TYK2: variants seen among roughly 807,000 people sequenced by gnomAD.
TYK2 encodes tyrosine kinase 2.
A neutral mutation model predicts 130.9 loss-of-function variants in TYK2; 65 were observed. That is an observed-to-expected ratio of 0.50 (90% CI 0.41 to 0.61). The LOEUF (loss-of-function observed/expected upper bound fraction) is 0.61. Among genes scored for constraint, TYK2 ranks in the 20% least tolerant of loss-of-function variants. The probability of loss-of-function intolerance (pLI) is 0.00; values close to 1 mark genes in which losing one functional copy is unlikely to be tolerated. For synonymous variants in TYK2, 647 were observed against 658.9 expected, an observed-to-expected ratio of 0.98 and a Z score of 0.28; for missense variants, 1,378 against 1,610.7, an observed-to-expected ratio of 0.86 and a Z score of 2.47.
At chr19:10,360,248 A>G (rs2145203111) in intron 14 of TYK2, among the ~76,000 whole-genome samples, 1 of 151,692 alleles carries the variant, frequency 6.6e-6, no homozygotes, top group Middle Eastern at 3.4e-3. Flanking sequence ...CAATCCTGTC[A>G]CTTTGGGAGG....
chr19:10,365,900 T>TG lies in TYK2; in HGVS notation c.630-3dup. On this transcript the variant is annotated splice_region_variant and splice_polypyrimidine_tract_variant and intron_variant, in intron 6 of 24. Transcript: ENST00000525621. ...GAGCGCGGGATGCAGTCCTTGAAGC[T>TG]GGGGGGAAACACAGTGAGGGGCTGG... 6.2e-7 allele frequency: 1 copy of TG among 1,604,998 alleles called. No individual in the cohort carries two copies. Among genetic ancestry groups the TG allele is most frequent in the Non-Finnish European group, 8.5e-7 (1 of 1,175,640 alleles).
Position 10,368,372 on chromosome 19 carries a change from C to G in TYK2, c.240G>C (p.Gln80His), listed in dbSNP as rs972420234. The change falls in exon 4 of 25, where the codon CAG (glutamine) becomes CAC (histidine). Residue 80 changes from glutamine (Q) to histidine (H), a missense_variant. By Grantham distance (24) the Gln-to-His change is conservative. Coordinates refer to ENST00000525621, the MANE Select transcript of TYK2 (RefSeq NM_003331.5). Reference protein sequence around the residue: ...CFNLFALFDAQAQVWLPPNHI... With the variant: ...CFNLFALFDAHAQVWLPPNHI... ...GGTTTGGGGGCAACCAGACTTGGGC[C>G]TGAGCATCGAAGAGGGCAAAGAGAT... 2 of 1,614,006 alleles carry G rather than the reference C, an allele frequency of 1.2e-6. No individual in the cohort carries two copies. Among genetic ancestry groups the G allele is most frequent in the Non-Finnish European group, 8.5e-7 (1 of 1,180,030 alleles).
intron 7 of TYK2, 121 bp from the exon 8 acceptor site, chr19:10,365,169 CA>C: frequency 8.6e-7 from 1 of 1,158,008 alleles, no homozygotes; most frequent in Non-Finnish European, 1.2e-6. Context: ...GTTGACCTCC[CA>C]AGTCCCAGTG....
intron 3 of TYK2, among the ~76,000 whole-genome samples, chr19:10,372,116 G>A (rs1213409932): frequency 4.6e-5 from 7 of 151,516 alleles, no homozygotes; most frequent in Admixed American, 2.6e-4. Context: ...TCAGCCTCCC[G>A]AGTAGCTGGG....
Position 10,368,060 on chromosome 19 carries a change from C to G in TYK2, c.460G>C (p.Glu154Gln). ...LDPASFEYLF[E>Q]QGKHEFVNDV... ...CACCCCAGCCCTGCTCATACCTGCTCAAAGAGGTACTCAAATGAGGCTGGG... is the reference window on the plus strand; with the variant it reads ...CACCCCAGCCCTGCTCATACCTGCTGAAAGAGGTACTCAAATGAGGCTGGG... The change falls in exon 5 of 25, where the codon GAG becomes CAG. Residue 154 changes from glutamate to glutamine, a missense_variant. Coordinates refer to ENST00000525621, the MANE Select transcript of TYK2 (RefSeq NM_003331.5). 6.2e-7 allele frequency: 1 copy of G among 1,614,146 alleles called. No individual in the cohort carries two copies. The highest frequency in any genetic ancestry group is 8.5e-7 in the Non-Finnish European group (1 of 1,180,036).
In TYK2 at chr19:10,354,187, G is replaced by T. The variant is rs751960997; in HGVS notation, c.2763C>A (p.Asp921Glu). 1 of 1,613,758 alleles carries T rather than the reference G, an allele frequency of 6.2e-7. No individual in the cohort carries two copies. Among genetic ancestry groups the T allele is most frequent in the East Asian group, 2.2e-5 (1 of 44,880 alleles). ...VSLYCYDPTN[D>E]GTGEMVAVKA... ...TCACCGCCACCATCTCGCCAGTGCC[G>T]TCGTTGGTCGGATCGTAGCAGTACA... Residue 921 changes from aspartate to glutamate, a missense_variant, in exon 20 of 25, where the codon GAC becomes GAA. Asp to Glu is a conservative substitution (Grantham distance 45). Coordinates refer to ENST00000525621, the MANE Select transcript of TYK2 (RefSeq NM_003331.5).
chr19:10,353,524 C>A lies in TYK2; in HGVS notation c.3027+4G>T. On this transcript the variant is annotated splice_donor_region_variant and intron_variant, in intron 21 of 24. Transcript: ENST00000525621. The surrounding 1 kb of genome is among the most constrained non-coding windows in gnomAD (Gnocchi z 6.9). ...CTCCAGAAGCAGGGGCGGGGCCGAC[C>A]AACCTCGCAGATCTGCTGGGCGAAG... The A allele has an allele frequency of 6.7e-7, 1 of 1,500,254 alleles. No individual in the cohort carries two copies. The highest frequency in any genetic ancestry group is 1.4e-5 in the South Asian group (1 of 73,790). The allele number at this position is 1,500,254 out of a possible 1,614,324, so 92.9% of individuals were successfully genotyped here.
chr19:10,375,601 AG>A (rs758080489), intron 3 of TYK2, among the ~76,000 whole-genome samples: 1 of 146,122 alleles, frequency 6.8e-6, no homozygotes, highest in African/African-American at 2.6e-5. Context: ...TGGGTGACAG[AG>A]TGAGACCCTA....
intron 3 of TYK2, among the ~76,000 whole-genome samples, chr19:10,370,278 G>A (rs1039082511): frequency 6.6e-6 from 1 of 151,870 alleles, no homozygotes; most frequent in Non-Finnish European, 1.5e-5. Context: ...AGGACTGCTT[G>A]AACCCGGGAG....
chr19:10,366,018 A>G (rs2145255080), intron 6 of TYK2, 120 bp from the exon 7 acceptor site: 3 of 1,114,618 alleles, frequency 2.7e-6, no homozygotes, highest in Middle Eastern at 3.0e-4. Context: ...AAACAGGCAC[A>G]CTAGCCAGGT....
At position 10,358,768 on chromosome 19, in the gene TYK2, T is replaced by A. The variant is rs567924315; in HGVS notation, c.2175+407A>T. 9.9e-4 allele frequency among the ~76,000 whole-genome samples: 151 copies of A among 152,090 alleles called. 1 individual carries two copies. The highest frequency in any genetic ancestry group is 3.5e-3 in the African/African-American group (147 of 41,530). On this transcript the variant is annotated intron_variant, in intron 15 of 24. Coordinates refer to ENST00000525621, the MANE Select transcript of TYK2 (RefSeq NM_003331.5). ...ACCACACCTGGCTATTTGTTTATTT[T>A]TAAAAGATGGGGCCAGCTGGGCGTG...
rs754414161 is a variant in TYK2, at chr19:10,365,879, G to A, written c.649C>T (p.Arg217Cys). ...KKTSFKDCIP[R>C]SFRRHIRQHS... ...TGCCGGATATGCCGGCGGAAGGAGC[G>A]CGGGATGCAGTCCTTGAAGCTGGGG... Residue 217 changes from arginine to cysteine, a missense_variant, in exon 7 of 25, where the codon CGC becomes TGC. Transcript: ENST00000525621. 1.1e-4 allele frequency: 177 copies of A among 1,610,652 alleles called. No homozygotes were observed. Among genetic ancestry groups the A allele is most frequent in the Middle Eastern group, 1.6e-4 (1 of 6,072 alleles).
intron 3 of TYK2, among the ~76,000 whole-genome samples, chr19:10,373,480 G>A (rs1041079824): frequency 2.6e-5 from 4 of 151,842 alleles, no homozygotes; most frequent in East Asian, 1.9e-4. Flanking sequence ...TGGGATGTGC[G>A]TCACCACGCC....
At chr19:10,356,421 G>A (rs1599333241) in intron 18 of TYK2, 147 bp downstream of exon 18, 1 of 943,010 alleles carries the variant, frequency 1.1e-6, no homozygotes, top group Non-Finnish European at 1.6e-6. Context: ...AGGGCAGCCA[G>A]GCAGGGCATG....
At position 10,353,942 on chromosome 19, in the gene TYK2, G is replaced by A; in HGVS notation, c.2908+100C>T. 7.8e-7 allele frequency: 1 copy of A among 1,274,006 alleles called. No individual in the cohort carries two copies. Among genetic ancestry groups the A allele is most frequent in the Non-Finnish European group, 1.1e-6 (1 of 888,692 alleles). The allele number at this position is 1,274,006 out of a possible 1,614,324, so 78.9% of individuals were successfully genotyped here. On this transcript the variant is annotated intron_variant, in intron 20 of 24. Coordinates refer to ENST00000525621, the MANE Select transcript of TYK2 (RefSeq NM_003331.5). This position sits in a 1 kb window ranked among gnomAD's most constrained non-coding sequence, Gnocchi z 6.9. The stretch of plus-strand genomic sequence containing the variant: ...CGCGTACTGCAGCCTGGGGTTGAGA[G>A]TCTCTAATTGGCTAGGCCAGACTGG...
At chr19:10,351,540 C>A (rs562352625) in intron 23 of TYK2, 296 of 319,478 alleles carry the variant, frequency 9.3e-4, no homozygotes, top group African/African-American at 6.1e-3. Context: ...TGCATGGGTT[C>A]CAATCCCACC....
chr19:10,362,412 A>G lies in TYK2; in HGVS notation c.1521T>C (p.Ile507=). The change falls in exon 11 of 25, where the codon ATT becomes ATC. Residue 507 remains isoleucine, a synonymous_variant. Coordinates refer to ENST00000525621, the MANE Select transcript of TYK2 (RefSeq NM_003331.5). ...GCACGAAGGCCCCGTCCTGCTGCTC[A>G]ATGGGGAACTTTCGGAGCCGCAAGC... ...MQSLRLRKFP[I]EQQDGAFVLE... The G allele has an allele frequency of 6.2e-7, 1 of 1,611,838 alleles. No individual in the cohort carries two copies. The highest frequency in any genetic ancestry group is 2.2e-5 in the East Asian group (1 of 44,820).
At chr19:10,378,837 C>CTTATT (rs2042265831) in intron 2 of TYK2, among the ~76,000 whole-genome samples, 1 of 17,380 alleles carries the variant, frequency 5.8e-5, no homozygotes, top group Non-Finnish European at 1.5e-4. Flanking sequence ...TATTTTATAT[C>CTTATT]TTATCTTATC....
At chr19:10,374,451 G>C (rs2042033505) in intron 3 of TYK2, among the ~76,000 whole-genome samples, 1 of 151,056 alleles carries the variant, frequency 6.6e-6, no homozygotes, top group South Asian at 2.1e-4. Flanking sequence ...CAGGTGTGGT[G>C]GTGGGCGCCT....
Sources: allele counts gnomAD v4.1 joint callset (sites outside exome capture counted in the v4.1 genomes callset), GRCh38; gene constraint gnomAD v4.1.1; non-coding constraint Gnocchi (gnomAD v3.1); transcripts MANE v1.5; gene names NCBI Gene and HGNC (gene_info 2026-07-23, HGNC 2026-07-21).